The following ZNF691 variants were observed in gnomAD, a reference collection of about 807,000 sequenced individuals.
The protein encoded by ZNF691 is zinc finger protein 691.
ZNF691 carries 11 observed loss-of-function variants against 24.1 expected under a neutral mutation model. The observed-to-expected ratio is 0.46, with a 90% CI of 0.29 to 0.75. ZNF691 has a LOEUF of 0.75. Among genes scored for constraint, ZNF691 ranks in the 30% least tolerant of loss-of-function variants. The pLI is 0.11. For missense variants in ZNF691, 356 were observed against 409.0 expected, an observed-to-expected ratio of 0.87 and a Z score of 1.12; for synonymous variants, 149 against 153.9, an observed-to-expected ratio of 0.97 and a Z score of 0.23.
chr1:42,849,006 G>GCC (rs1655309336), intron 1 of ZNF691, among the ~76,000 whole-genome samples: 1 of 152,300 alleles, frequency 6.6e-6, no homozygotes, highest in African/African-American at 2.4e-5. Flanking sequence ...TTTTATTAGA[G>GCC]CACAGCCACA....
At position 42,849,548 on chromosome 1, in the gene ZNF691, G is replaced by T; in HGVS notation, c.-94-17G>T. On this transcript the variant is annotated splice_polypyrimidine_tract_variant and intron_variant, in intron 2 of 3. Coordinates refer to ENST00000651192, the MANE Select transcript of ZNF691 (RefSeq NM_001242739.2). ...TAGTCAGTACCCCTTTCTTTATTCTGTGTTTCTTTTTTCCAGAAATACTTG... is the reference window on the plus strand; with the variant it reads ...TAGTCAGTACCCCTTTCTTTATTCTTTGTTTCTTTTTTCCAGAAATACTTG... The T allele has an allele frequency of 1.2e-6, 1 of 862,148 alleles. No individual in the cohort carries two copies. Among genetic ancestry groups the T allele is most frequent in the Non-Finnish European group, 1.9e-6 (1 of 521,354 alleles). 53.4% of individuals were successfully genotyped at this position (862,148 alleles called of 1,614,324 possible).
chr1:42,851,125 A>T lies in ZNF691; in HGVS notation c.260A>T (p.Lys87Met). ...GAACTGCAAGAAACTCATCCAAAAA[A>T]GCCATGGCAGAAAGTCACTGTCCGG... is the stretch of plus-strand genomic sequence containing the variant. ...SDELQETHPK[K>M]PWQKVTVRAR... Residue 87 changes from lysine to methionine, a missense_variant, in exon 4 of 4, where the codon AAG becomes ATG. Coordinates refer to ENST00000651192, the MANE Select transcript of ZNF691 (RefSeq NM_001242739.2). The surrounding 1 kb of genome is among the most constrained non-coding windows in gnomAD (Gnocchi z 4.7). 1 of 1,613,942 alleles carries T rather than the reference A, an allele frequency of 6.2e-7. No homozygotes were observed. The highest frequency in any genetic ancestry group is 8.5e-7 in the Non-Finnish European group (1 of 1,179,912).
At chr1:42,850,915 G>A in intron 3 of ZNF691, 35 bp from the exon 4 acceptor site, 2 of 1,538,710 alleles carry the variant, frequency 1.3e-6, no homozygotes, top group Non-Finnish European at 1.7e-6. Flanking sequence ...CCAACCCAAA[G>A]AATAAAGGTG....
chr1:42,851,097 G>T lies in ZNF691; in HGVS notation c.232G>T (p.Asp78Tyr). ...EKEHGQESLS[D>Y]ELQETHPKKP... Reference sequence around the variant, plus strand: ...GGAGCATGGGCAAGAGAGCCTGTCGGATGAACTGCAAGAAACTCATCCAAA... The same window carrying T: ...GGAGCATGGGCAAGAGAGCCTGTCGTATGAACTGCAAGAAACTCATCCAAA... Residue 78 changes from aspartate (D) to tyrosine (Y), a missense_variant, in exon 4 of 4, where the codon GAT becomes TAT. Physicochemically the swap from Asp to Tyr is radical, Grantham distance 160. Transcript: ENST00000651192. The surrounding 1 kb of genome is among the most constrained non-coding windows in gnomAD (Gnocchi z 4.7). The T allele has an allele frequency of 1.2e-6, 2 of 1,612,680 alleles. No individual in the cohort carries two copies. The highest frequency in any genetic ancestry group is 1.7e-6 in the Non-Finnish European group (2 of 1,179,174).
intron 3 of ZNF691, chr1:42,850,563 C>A: frequency 6.7e-7 from 1 of 1,489,326 alleles, no homozygotes; most frequent in Admixed American, 2.5e-5. Flanking sequence ...AAAAGAGTTA[C>A]AGTTAACTTA....
chr1:42,847,982 C>A (rs1038871245), intron 1 of ZNF691, among the ~76,000 whole-genome samples: 1 of 152,210 alleles, frequency 6.6e-6, no homozygotes, highest in African/African-American at 2.4e-5. Flanking sequence ...GGAGTGGGTA[C>A]AAAGGTGACT....
At chr1:42,848,781 A>T (rs571466077) in intron 1 of ZNF691, among the ~76,000 whole-genome samples, 1 of 152,206 alleles carries the variant, frequency 6.6e-6, no homozygotes, top group Non-Finnish European at 1.5e-5. Flanking sequence ...AAGATGTGCT[A>T]TGGGGCAGGA....
Position 42,851,004 on chromosome 1 carries a change from G to T in ZNF691, c.139G>T (p.Glu47Ter). The change falls in exon 4 of 4, where the codon GAA (glutamate) becomes TAA (stop). Residue 47 changes from glutamate (E) to a stop codon, truncating the protein, a stop_gained. Coordinates refer to ENST00000651192, the MANE Select transcript of ZNF691 (RefSeq NM_001242739.2). LOFTEE classifies it high-confidence loss of function. The surrounding 1 kb of genome is among the most constrained non-coding windows in gnomAD (Gnocchi z 4.7). ...GAGTCCAGAACCACACCTGCCTGAG[G>T]AAGGGGAAGGGGGTAAGCCTTGGAG... ...EQSPEPHLPE[E>*]GEGGKPWRVD... is the part of the protein sequence containing the mutation. 1 of 1,545,944 alleles carries T rather than the reference G, an allele frequency of 6.5e-7. No homozygotes were observed. Among genetic ancestry groups the T allele is most frequent in the Non-Finnish European group, 8.7e-7 (1 of 1,150,274 alleles).
intron 3 of ZNF691, chr1:42,850,430 G>A (rs1207670973): frequency 1.5e-5 from 15 of 985,180 alleles, no homozygotes; most frequent in Non-Finnish European, 1.6e-5. Flanking sequence ...CTCAAGAAAA[G>A]CCAAAGCTGG....
At chr1:42,849,168 G>A (rs1400817281) in intron 1 of ZNF691, 123 bp from the exon 2 acceptor site, 1 of 297,080 alleles carries the variant, frequency 3.4e-6, no homozygotes, top group African/African-American at 2.2e-5. Flanking sequence ...GGTTCTTAAA[G>A]AGTTGAGGTT....
Position 42,849,754 on chromosome 1 carries a change from C to T in ZNF691, c.84+12C>T. 6.5e-7 allele frequency: 1 copy of T among 1,549,270 alleles called. No homozygotes were observed. Among genetic ancestry groups the T allele is most frequent in the Non-Finnish European group, 8.7e-7 (1 of 1,145,408 alleles). ...CACTCTCATCAGAGGTACTTTTCCCCCCAACTCTTTCCCTGTCCTTGGCTG... is the reference window on the plus strand; with the variant it reads ...CACTCTCATCAGAGGTACTTTTCCCTCCAACTCTTTCCCTGTCCTTGGCTG... On this transcript the variant is annotated intron_variant, in intron 3 of 3. Transcript: ENST00000651192.
In ZNF691 at chr1:42,852,053, G is replaced by A. The variant is rs1212833425; in HGVS notation, c.*240G>A. 1 of 677,368 alleles carries A rather than the reference G, an allele frequency of 1.5e-6. No individual in the cohort carries two copies. The highest frequency in any genetic ancestry group is 2.7e-6 in the Non-Finnish European group (1 of 371,428). The allele number at this position is 677,368 out of a possible 1,614,324, so 42.0% of individuals were successfully genotyped here. ...TTGGAAAGTCAGAAGACCCAGTCTT[G>A]GCTTTACTTTCTTGGGGTGAAAGAG... On this transcript the variant is annotated 3_prime_UTR_variant, in exon 4 of 4. Coordinates refer to ENST00000651192, the MANE Select transcript of ZNF691 (RefSeq NM_001242739.2).
At chr1:42,848,240 T>C (rs1655291527) in intron 1 of ZNF691, among the ~76,000 whole-genome samples, 1 of 152,162 alleles carries the variant, frequency 6.6e-6, no homozygotes, top group African/African-American at 2.4e-5. Flanking sequence ...GTAGAGATAC[T>C]GTAGCTGTAG....
intron 3 of ZNF691, 78 bp downstream of exon 3, chr1:42,849,820 T>A: frequency 7.9e-7 from 1 of 1,260,736 alleles, no homozygotes; most frequent in Admixed American, 2.0e-5. Flanking sequence ...CACACATTAG[T>A]GATGTTTGCA....
Position 42,849,995 on chromosome 1 carries a change from CTATA to C in ZNF691, c.84+257_84+260del, listed in dbSNP as rs568822978. On this transcript the variant is annotated intron_variant, in intron 3 of 3. Coordinates refer to ENST00000651192, the MANE Select transcript of ZNF691 (RefSeq NM_001242739.2). The stretch of plus-strand genomic sequence containing the variant: ...TATATGTGTATAGACATGTATGTAG[CTATA>C]TATGTGTGTGGCTGTGGTATGTGGC... 1.2e-3 allele frequency among the ~76,000 whole-genome samples: 187 copies of C among 151,548 alleles called. 1 individual carries two copies. Among genetic ancestry groups the C allele is most frequent in the African/African-American group, 3.5e-3 (144 of 41,274 alleles).
rs1467625821 is a variant in ZNF691, at chr1:42,851,921, A to C, written c.*108A>C. 2.0e-6 allele frequency: 3 copies of C among 1,512,126 alleles called. No individual in the cohort carries two copies. The African/African-American group carries it at 4.1e-5, about 21-fold the overall frequency. The allele number at this position is 1,512,126 out of a possible 1,614,324, so 93.7% of individuals were successfully genotyped here. A position where few individuals can be genotyped will look rare whatever the true frequency, so the allele number is the denominator to read the frequency against. On this transcript the variant is annotated 3_prime_UTR_variant, in exon 4 of 4. Coordinates refer to ENST00000651192, the MANE Select transcript of ZNF691 (RefSeq NM_001242739.2). The surrounding 1 kb of genome is among the most constrained non-coding windows in gnomAD (Gnocchi z 4.7). ...ACCTTGACCTCAAGCCCTTCATCCC[A>C]CTTTGGAGAATGGTTTTGTATAGCC...
chr1:42,847,474 C>A (rs1655271756), intron 1 of ZNF691, among the ~76,000 whole-genome samples: 1 of 152,186 alleles, frequency 6.6e-6, no homozygotes, highest in South Asian at 2.1e-4. Flanking sequence ...CCCTTTTCCC[C>A]CCAGATCTCT....
chr1:42,851,998 C>T lies in ZNF691; in HGVS notation c.*185C>T, dbSNP rs1023503869. ...TGAGGAGGGACTCTGGAATAAAAACCCTTGCCTCTTTCCAGGCCAATTTCT... is the reference window on the plus strand; with the variant it reads ...TGAGGAGGGACTCTGGAATAAAAACTCTTGCCTCTTTCCAGGCCAATTTCT... On this transcript the variant is annotated 3_prime_UTR_variant, in exon 4 of 4. Coordinates refer to ENST00000651192, the MANE Select transcript of ZNF691 (RefSeq NM_001242739.2). The surrounding 1 kb of genome is among the most constrained non-coding windows in gnomAD (Gnocchi z 4.7). 1.0e-6 allele frequency: 1 copy of T among 958,234 alleles called. No homozygotes were observed. Among genetic ancestry groups the T allele is most frequent in the Non-Finnish European group, 1.6e-6 (1 of 608,168 alleles). The allele number at this position is 958,234 out of a possible 1,614,324, so 59.4% of individuals were successfully genotyped here.
chr1:42,847,673 G>A (rs1004546731), intron 1 of ZNF691, among the ~76,000 whole-genome samples: 5 of 152,166 alleles, frequency 3.3e-5, no homozygotes, highest in African/African-American at 9.7e-5. Context: ...AACTTCAGTG[G>A]TACTGTTTTT....
Sources: allele counts gnomAD v4.1 joint callset (sites outside exome capture counted in the v4.1 genomes callset), GRCh38; gene constraint gnomAD v4.1.1; non-coding constraint Gnocchi (gnomAD v3.1); transcripts MANE v1.5; gene names NCBI Gene and HGNC (gene_info 2026-07-23, HGNC 2026-07-21).